The following NFAM1 variants were observed in gnomAD, a reference collection of about 807,000 sequenced individuals.
NFAM1 encodes NFAT activation molecule 1.
In NFAM1, 17 loss-of-function variants were observed where a neutral mutation model predicts 29.0. That is an observed-to-expected ratio of 0.59 (90% CI 0.40 to 0.88). The LOEUF is 0.88. Ranked by LOEUF, NFAM1 falls within the 40% of genes least tolerant of loss-of-function variation. The pLI, the probability that NFAM1 is intolerant of heterozygous loss-of-function variation, is 0.00. For missense variants in NFAM1, 324 were observed against 344.6 expected, an observed-to-expected ratio of 0.94 and a Z score of 0.47; for synonymous variants, 175 against 147.2, an observed-to-expected ratio of 1.19 and a Z score of -1.36.
rs150069778 is a variant in NFAM1 at position 42,412,961 on chromosome 22, C to T, written c.122-1225G>A. Among the ~76,000 whole-genome samples, 294 of 152,328 alleles carry T rather than the reference C, an allele frequency of 1.9e-3. 4 individuals carry two copies. The East Asian group carries it at 0.023, about 12-fold the overall frequency. Reference sequence around the variant, plus strand: ...GAAAACAGTTTGAAAATTCCCAAAGCAGCAGCCCTGCCTGGGGGGCTCTAA... The same window carrying T: ...GAAAACAGTTTGAAAATTCCCAAAGTAGCAGCCCTGCCTGGGGGGCTCTAA... On this transcript the variant is annotated intron_variant, in intron 1 of 5. Transcript: ENST00000329021.
In NFAM1 at chr22:42,419,393, A is replaced by G. The variant is rs1260499035; in HGVS notation, c.122-7657T>C. Among the ~76,000 whole-genome samples, 1 of 152,068 alleles carries G rather than the reference A, an allele frequency of 6.6e-6. No homozygotes were observed. The highest frequency in any genetic ancestry group is 1.5e-5 in the Non-Finnish European group (1 of 68,006). On this transcript the variant is annotated intron_variant, in intron 1 of 5. Transcript: ENST00000329021. This position sits in a 1 kb window ranked among gnomAD's most constrained non-coding sequence, Gnocchi z 4.5. ...TCTGAAATCAATTTACGGGGTCAAGACAAGCAATTAAAAAAAATAGAACAT... is the reference window on the plus strand; with the variant it reads ...TCTGAAATCAATTTACGGGGTCAAGGCAAGCAATTAAAAAAAATAGAACAT...
chr22:42,427,666 C>T (rs953353176), intron 1 of NFAM1, among the ~76,000 whole-genome samples: 2 of 152,196 alleles, frequency 1.3e-5, no homozygotes, highest in African/African-American at 2.4e-5. Flanking sequence ...AGCAACAAAA[C>T]GAACTTCAGC....
At chr22:42,424,323 G>GAGA (rs1930549592) in intron 1 of NFAM1, among the ~76,000 whole-genome samples, 1 of 152,100 alleles carries the variant, frequency 6.6e-6, no homozygotes, top group Non-Finnish European at 1.5e-5. Context: ...GCTGAGGCAG[G>GAGA]AGAATGGCGT....
In NFAM1 at chr22:42,388,577, G is replaced by A. The variant is rs1929228085; in HGVS notation, c.664-1499C>T. On this transcript the variant is annotated intron_variant, in intron 4 of 5. Transcript: ENST00000329021. This position sits in a 1 kb window ranked among gnomAD's most constrained non-coding sequence, Gnocchi z 4.1. The stretch of plus-strand genomic sequence containing the variant: ...CAAGGAGGCGGTTTCCCTGGCAACA[G>A]GCAAGCAGGGGTTGCTGAGGCAGGC... 6.6e-6 allele frequency among the ~76,000 whole-genome samples: 1 copy of A among 152,190 alleles called. No homozygotes were observed. Among genetic ancestry groups the A allele is most frequent in the African/African-American group, 2.4e-5 (1 of 41,436 alleles).
chr22:42,395,881 CAAA>C (rs60278301), intron 4 of NFAM1, among the ~76,000 whole-genome samples: 6 of 93,784 alleles, frequency 6.4e-5, no homozygotes, highest in African/African-American at 7.5e-5. Flanking sequence ...AGACTCTGCT[CAAA>C]AAAAAAAAAA....
upstream of NFAM1, among the ~76,000 whole-genome samples, chr22:42,435,913 G>T (rs561149776): frequency 2.0e-5 from 3 of 150,822 alleles, no homozygotes; most frequent in South Asian, 6.3e-4. Context: ...TCTGCCTTGC[G>T]GGTTCAAGTG....
intron 1 of NFAM1, among the ~76,000 whole-genome samples, chr22:42,413,181 C>T (rs747352397): frequency 1.4e-4 from 22 of 152,178 alleles, no homozygotes; most frequent in Admixed American, 9.8e-4. Context: ...ACATGCAGGC[C>T]GGATTGTTAA....
intron 4 of NFAM1, among the ~76,000 whole-genome samples, chr22:42,392,096 C>G (rs561639148): frequency 6.6e-6 from 1 of 152,174 alleles, no homozygotes; most frequent in South Asian, 2.1e-4. Flanking sequence ...TCTTCAGAAC[C>G]TTGTGGCTAA....
intron 1 of NFAM1, among the ~76,000 whole-genome samples, chr22:42,415,120 G>A (rs987729138): frequency 6.6e-6 from 1 of 152,028 alleles, no homozygotes; most frequent in African/African-American, 2.4e-5. Context: ...AGTAAAGAGA[G>A]GAAGCCGTCT....
rs753982827 is a variant in NFAM1 at position 42,384,962 on chromosome 22, A to G, written c.*199T>C. 4 of 663,514 alleles carry G rather than the reference A, an allele frequency of 6.0e-6. No homozygotes were observed. The highest frequency in any genetic ancestry group is 1.1e-5 in the Non-Finnish European group (4 of 370,598). The allele number at this position is 663,514 out of a possible 1,614,324, so 41.1% of individuals were successfully genotyped here. A position where few individuals can be genotyped will look rare whatever the true frequency, so the allele number is the denominator to read the frequency against. Reference sequence around the variant, plus strand: ...AGGAACAGCCTGGGCAAAGGCCCCAAGATGGGAAAGCCTTGGTGGTTGGGG... The same window carrying G: ...AGGAACAGCCTGGGCAAAGGCCCCAGGATGGGAAAGCCTTGGTGGTTGGGG... On this transcript the variant is annotated 3_prime_UTR_variant, in exon 6 of 6. Coordinates refer to ENST00000329021, the MANE Select transcript of NFAM1 (RefSeq NM_145912.8).
intron 1 of NFAM1, among the ~76,000 whole-genome samples, chr22:42,423,725 C>A (rs1272221881): frequency 7.0e-6 from 1 of 143,518 alleles, no homozygotes; most frequent in Non-Finnish European, 1.5e-5. Flanking sequence ...TCCCTCTTTT[C>A]TTTTTTTTTT....
chr22:42,396,937 G>GGGAGCGTGCACCTGC, intron 4 of NFAM1, among the ~76,000 whole-genome samples: 1 of 149,266 alleles, frequency 6.7e-6, no homozygotes, highest in African/African-American at 2.6e-5. Flanking sequence ...CGTGCACCTG[G>GGGAGCGTGCACCTGC]GGGGCGTGCA....
At chr22:42,413,676 CA>C (rs1182928310) in intron 1 of NFAM1, among the ~76,000 whole-genome samples, 12 of 152,088 alleles carry the variant, frequency 7.9e-5, no homozygotes, top group African/African-American at 2.9e-4. Context: ...TGTCCTGTCA[CA>C]TAAGAAGGCA....
chr22:42,437,413 G>C, the NFAM1 span, among the ~76,000 whole-genome samples: 2 of 152,090 alleles, frequency 1.3e-5, no homozygotes, highest in Non-Finnish European at 2.9e-5. Flanking sequence ...AAAGTGCTGG[G>C]ATTACAGGTG....
At chr22:42,410,865 C>CG (rs1930059203) in intron 2 of NFAM1, among the ~76,000 whole-genome samples, 1 of 152,106 alleles carries the variant, frequency 6.6e-6, no homozygotes, top group African/African-American at 2.4e-5. Flanking sequence ...CACCTGCCAG[C>CG]GGCGTTCAGG....
chr22:42,421,322 G>C (rs189545236), intron 1 of NFAM1, among the ~76,000 whole-genome samples: 1 of 151,804 alleles, frequency 6.6e-6, no homozygotes, highest in African/African-American at 2.4e-5. Flanking sequence ...GTGGTGGGGT[G>C]GTGGGCACCT....
intron 2 of NFAM1, chr22:42,410,607 C>A: frequency 4.6e-6 from 1 of 218,024 alleles, no homozygotes. Flanking sequence ...TGCAGTGAGC[C>A]AAGATTGGGC....
intron 3 of NFAM1, among the ~76,000 whole-genome samples, chr22:42,402,127 T>C (rs1253550993): frequency 6.6e-6 from 1 of 152,142 alleles, no homozygotes; most frequent in African/African-American, 2.4e-5. Context: ...GAGAGGGTGA[T>C]GGAGCCCAGC....
chr22:42,384,999 G>A lies in NFAM1; in HGVS notation c.*162C>T. The A allele has an allele frequency of 2.9e-6, 2 of 694,684 alleles. No homozygotes were observed. The highest frequency in any genetic ancestry group is 2.0e-5 in the Admixed American group (1 of 49,448). 43.0% of individuals were successfully genotyped at this position (694,684 alleles called of 1,614,324 possible). A position where few individuals can be genotyped will look rare whatever the true frequency, so the allele number is the denominator to read the frequency against. ...CTTGGTGGTTGGGGCATAGAATGGG[G>A]GGGCAGTGGGGCCGGCCAAGACAGG... On this transcript the variant is annotated 3_prime_UTR_variant, in exon 6 of 6. Transcript: ENST00000329021.
Sources: gnomAD v4.1 joint callset for allele counts (sites outside exome capture counted in the v4.1 genomes callset) on GRCh38, gnomAD v4.1.1 for gene constraint, Gnocchi (gnomAD v3.1) non-coding constraint, MANE v1.5 for transcripts, NCBI Gene and HGNC (gene_info 2026-07-23, HGNC 2026-07-21) for gene names.